Variants in POLN observed in about 807,000 individuals in gnomAD.
The protein encoded by POLN is DNA polymerase N.
In POLN, 108 loss-of-function variants were observed where a neutral mutation model predicts 113.5. That is an observed-to-expected ratio of 0.95 (90% confidence interval 0.81 to 1.12). POLN has a LOEUF of 1.12. POLN is among the 50% of genes most tolerant of loss of function. The pLI is 0.00. For synonymous variants in POLN, 386 were observed against 391.5 expected, an observed-to-expected ratio of 0.99 and a Z score of 0.17; for missense variants, 1,097 against 1,077.1, an observed-to-expected ratio of 1.02 and a Z score of -0.26.
At chr4:2,073,053 G>T (rs1338148647) in intron 24 of POLN, 24 bp from the exon 25 acceptor site, 2 of 1,611,070 alleles carry the variant, frequency 1.2e-6, no homozygotes, top group Non-Finnish European at 1.7e-6. Flanking sequence ...GAGAGAGGAG[G>T]CCCTGCTGGT....
At chr4:2,211,746 G>C (rs34117187) in intron 4 of POLN, among the ~76,000 whole-genome samples, 1,559 of 152,232 alleles carry the variant, frequency 0.01, 29 homozygotes, top group African/African-American at 0.035. Flanking sequence ...GGTGGAGGTA[G>C]AGATTGCAGT....
chr4:2,209,295 C>T (rs1272862094), intron 4 of POLN, among the ~76,000 whole-genome samples: 1 of 151,850 alleles, frequency 6.6e-6, no homozygotes, highest in Non-Finnish European at 1.5e-5. Flanking sequence ...TCCTGACCAA[C>T]ATGGAGAAAC....
At chr4:2,148,672 CAA>C (rs67970031) in intron 16 of POLN, among the ~76,000 whole-genome samples, 11,917 of 149,344 alleles carry the variant, frequency 0.08, 706 homozygotes, top group African/African-American at 0.16. Flanking sequence ...GTCCCCCCCC[CAA>C]AAAAAAAAAG....
chr4:2,204,639 A>G (rs1160665877), intron 5 of POLN, among the ~76,000 whole-genome samples: 1 of 152,234 alleles, frequency 6.6e-6, no homozygotes, highest in Non-Finnish European at 1.5e-5. Flanking sequence ...TACCACCAAA[A>G]GAGAAAACTA....
intron 13 of POLN, among the ~76,000 whole-genome samples, chr4:2,168,347 G>C (rs1439325052): frequency 6.6e-6 from 1 of 152,222 alleles, no homozygotes; most frequent in Non-Finnish European, 1.5e-5. Context: ...GAAGGGGAAA[G>C]GGAGGATGGA....
chr4:2,107,255 G>A lies in POLN; in HGVS notation c.1983-11322C>T, dbSNP rs560989118. Among the ~76,000 whole-genome samples the A allele has an allele frequency of 9.9e-5, 15 of 152,190 alleles. No homozygotes were observed. In the South Asian group the frequency reaches 2.3e-3, roughly 23 times the overall value. ...CCTTTTAGTTGATTCACTTGGTTTC[G>A]TAGGCAGGTAATCATACCATCTTCA... On this transcript the variant is annotated intron_variant, in intron 19 of 25. Transcript: ENST00000511885.
Position 2,193,310 on chromosome 4 carries a change from C to T in POLN, c.915G>A (p.Val305=). ...QEAHQQFARN[V]LFQTMKCKCP... is the part of the protein sequence containing the mutation. ...ATTTACATTTCATTGTTTGAAATAG[C>T]ACGTTCCTAGAAGATGAAAAGAAAT... The change falls in exon 7 of 26, where the codon GTG becomes GTA. Residue 305 remains valine (V), a synonymous_variant. Coordinates refer to ENST00000511885, the MANE Select transcript of POLN (RefSeq NM_181808.4). The T allele has an allele frequency of 6.3e-7, 1 of 1,581,438 alleles. No individual in the cohort carries two copies. Among genetic ancestry groups the T allele is most frequent in the Non-Finnish European group, 8.6e-7 (1 of 1,161,014 alleles).
At chr4:2,233,791 G>C (rs1734663413) in intron 2 of POLN, among the ~76,000 whole-genome samples, 1 of 152,122 alleles carries the variant, frequency 6.6e-6, no homozygotes, top group Admixed American at 6.5e-5. Context: ...GTTTAACTAA[G>C]AGTTTTTCTT....
intron 3 of POLN, among the ~76,000 whole-genome samples, chr4:2,224,535 T>C (rs1420869495): frequency 6.6e-6 from 1 of 152,206 alleles, no homozygotes; most frequent in Non-Finnish European, 1.5e-5. Context: ...TACAGTGTAG[T>C]AGGCTATGCC....
intron 4 of POLN, among the ~76,000 whole-genome samples, chr4:2,210,952 A>AATAT (rs1733979059): frequency 6.7e-6 from 1 of 148,432 alleles, no homozygotes. Context: ...TAAATAAATA[A>AATAT]ATAAATAAAT....
In POLN at chr4:2,213,137, C is replaced by G; in HGVS notation, c.134-11G>C. ...TTATCACTTCCATAGCTTTTAAAAA[C>G]AACAAAAAAGAAACATGGGGCATTA... On this transcript the variant is annotated splice_polypyrimidine_tract_variant and intron_variant, in intron 3 of 25. Coordinates refer to ENST00000511885, the MANE Select transcript of POLN (RefSeq NM_181808.4). 1 of 1,563,858 alleles carries G rather than the reference C, an allele frequency of 6.4e-7. No homozygotes were observed. Among genetic ancestry groups the G allele is most frequent in the Non-Finnish European group, 8.7e-7 (1 of 1,153,570 alleles).
chr4:2,184,922 T>C (rs1733233748), intron 7 of POLN, among the ~76,000 whole-genome samples: 2 of 152,222 alleles, frequency 1.3e-5, no homozygotes, highest in Admixed American at 6.5e-5. Context: ...CTTTTGGTGA[T>C]TCTATGAAAC....
At chr4:2,236,364 TTC>T (rs1734765711) in intron 2 of POLN, 1 of 1,613,136 alleles carries the variant, frequency 6.2e-7, no homozygotes, top group East Asian at 2.2e-5. Flanking sequence ...TAAAGAAATA[TTC>T]TGTTTCAATT....
At chr4:2,082,075 C>A (rs1181378667) in intron 21 of POLN, among the ~76,000 whole-genome samples, 1 of 151,636 alleles carries the variant, frequency 6.6e-6, no homozygotes, top group Non-Finnish European at 1.5e-5. Context: ...CTGCCTCAGC[C>A]TCCTGAGTAG....
chr4:2,174,824 C>CTTTTT, intron 9 of POLN, 73 bp from the exon 10 acceptor site: 3 of 831,724 alleles, frequency 3.6e-6, no homozygotes, highest in Non-Finnish European at 5.4e-6. Flanking sequence ...GAAAAGCCTA[C>CTTTTT]TTTTTTTTTT....
chr4:2,135,787 C>T (rs548777748), intron 16 of POLN, among the ~76,000 whole-genome samples: 3 of 152,296 alleles, frequency 2.0e-5, no homozygotes, highest in East Asian at 1.9e-4. Context: ...ATGAGAGCAT[C>T]GAAGTCAGAC....
rs747307590 is a variant in POLN, at chr4:2,095,832, C to A, written c.2065+19G>T. 1.9e-6 allele frequency: 3 copies of A among 1,612,340 alleles called. No individual in the cohort carries two copies. Among genetic ancestry groups the A allele is most frequent in the Non-Finnish European group, 2.5e-6 (3 of 1,178,794 alleles). ...CTTACAGGTAACCCCGAGACCCCAG[C>A]TCCCGGCCCGCAGCCTACCTGCTCC... On this transcript the variant is annotated intron_variant, in intron 20 of 25. Coordinates refer to ENST00000511885, the MANE Select transcript of POLN (RefSeq NM_181808.4).
At position 2,236,021 on chromosome 4, in the gene POLN, TAC is replaced by T. The variant is rs1438803187; in HGVS notation, c.-13+5497_-13+5498del. Reference sequence around the variant, plus strand: ...ATTCTTTTGTGTCTGAAAAATTATATACATTTTTAAATTTCTGTGCACACTCA... The same window carrying T: ...ATTCTTTTGTGTCTGAAAAATTATATATTTTTAAATTTCTGTGCACACTCA... On this transcript the variant is annotated intron_variant, in intron 2 of 25. Coordinates refer to ENST00000511885, the MANE Select transcript of POLN (RefSeq NM_181808.4). 2.6e-5 allele frequency among the ~76,000 whole-genome samples: 4 copies of T among 152,330 alleles called. No individual in the cohort carries two copies. The South Asian group carries it at 6.2e-4, about 24-fold the overall frequency.
rs373887460 is a variant in POLN, at chr4:2,198,506, T to G, written c.908+18A>C. 1 of 1,597,624 alleles carries G rather than the reference T, an allele frequency of 6.3e-7. No individual in the cohort carries two copies. The highest frequency in any genetic ancestry group is 8.5e-7 in the Non-Finnish European group (1 of 1,170,114). On this transcript the variant is annotated intron_variant, in intron 6 of 25. Coordinates refer to ENST00000511885, the MANE Select transcript of POLN (RefSeq NM_181808.4). ...GGCATGTAAGTAGGGTGTGAGCCCA[T>G]GTGTGAAGATTTCTTACCGGGCAAA... is the stretch of plus-strand genomic sequence containing the variant.
Sources: allele counts gnomAD v4.1 joint callset (sites outside exome capture counted in the v4.1 genomes callset), GRCh38; gene constraint gnomAD v4.1.1; transcripts MANE v1.5; gene names NCBI Gene and HGNC (gene_info 2026-07-23, HGNC 2026-07-21).